PTPRT: variants seen among roughly 807,000 people sequenced by gnomAD.
PTPRT encodes the protein receptor-type tyrosine-protein phosphatase T.
A neutral mutation model predicts 176.8 loss-of-function variants in PTPRT; 56 were observed. That is an observed-to-expected ratio of 0.32 (90% CI 0.26 to 0.40). The LOEUF (loss-of-function observed/expected upper bound fraction) is 0.40. Among genes scored for constraint, PTPRT ranks in the 10% least tolerant of loss-of-function variants. The probability of loss-of-function intolerance (pLI) is 1.00; values close to 1 mark genes in which losing one functional copy is unlikely to be tolerated. For synonymous variants in PTPRT, 783 were observed against 739.0 expected, an observed-to-expected ratio of 1.06 and a Z score of -0.96; for missense variants, 1,540 against 1,908.2, an observed-to-expected ratio of 0.81 and a Z score of 3.60.
Position 42,637,517 on chromosome 20 carries a change from G to A in PTPRT, c.1153+40349C>T, listed in dbSNP as rs373644053. Among the ~76,000 whole-genome samples, 7 of 152,268 alleles carry A rather than the reference G, an allele frequency of 4.6e-5. No homozygotes were observed. The East Asian group carries it at 9.6e-4, about 21-fold the overall frequency. On this transcript the variant is annotated intron_variant, in intron 7 of 30. Coordinates refer to ENST00000373187, the MANE Select transcript of PTPRT (RefSeq NM_007050.6). The stretch of plus-strand genomic sequence containing the variant: ...GTTCCTGCAGATCTTCAAAGGGCTT[G>A]CTATCTCACTTCATTCAGTTCTTTG...
intron 7 of PTPRT, among the ~76,000 whole-genome samples, chr20:42,544,363 G>A (rs1376036787): frequency 1.3e-5 from 2 of 152,178 alleles, no homozygotes; most frequent in Admixed American, 6.5e-5. Context: ...GATGAGCCAA[G>A]CTCTGCTGGC....
At chr20:42,845,218 CG>C (rs2078348617) in intron 2 of PTPRT, among the ~76,000 whole-genome samples, 1 of 152,054 alleles carries the variant, frequency 6.6e-6, no homozygotes, top group African/African-American at 2.4e-5. Context: ...GTTTCTGTTT[CG>C]GGTGTTCTTG....
At position 42,874,272 on chromosome 20, in the gene PTPRT, G is replaced by T. The variant is rs373643856; in HGVS notation, c.214+11535C>A. Among the ~76,000 whole-genome samples the T allele has an allele frequency of 2.1e-4, 32 of 152,256 alleles. 2 individuals are homozygous for T. The South Asian group carries it at 6.4e-3, about 31-fold the overall frequency. On this transcript the variant is annotated intron_variant, in intron 2 of 30. Transcript: ENST00000373187. ...GTGTCGCTGACACACGACTGTTTTT[G>T]TGATGCTTCCTTTTCAAAGAATTTA...
intron 13 of PTPRT, among the ~76,000 whole-genome samples, chr20:42,272,434 A>G (rs2056951786): frequency 6.6e-6 from 1 of 151,904 alleles, no homozygotes; most frequent in African/African-American, 2.4e-5. Flanking sequence ...ATGCTCTCAG[A>G]TAGGCAAGAC....
intron 1 of PTPRT, among the ~76,000 whole-genome samples, chr20:42,970,531 C>T (rs1982567749): frequency 6.6e-6 from 1 of 152,156 alleles, no homozygotes; most frequent in Non-Finnish European, 1.5e-5. Context: ...CCTCTCTGTG[C>T]CTCAGTTCCC....
chr20:42,489,506 CTTT>C (rs10708331), intron 7 of PTPRT, among the ~76,000 whole-genome samples: 86 of 147,278 alleles, frequency 5.8e-4, no homozygotes, highest in African/African-American at 2.0e-3. Flanking sequence ...CCTATCCTGA[CTTT>C]TTTTTTTTTA....
rs74167758 is a variant in PTPRT at position 42,104,208 on chromosome 20, C to T, written c.3540+361G>A. Among the ~76,000 whole-genome samples the T allele has an allele frequency of 5.1e-3, 781 of 152,252 alleles. 3 individuals carry two copies. Among genetic ancestry groups the T allele is most frequent in the East Asian group, 0.016 (82 of 5,178 alleles). On this transcript the variant is annotated intron_variant, in intron 25 of 30. Coordinates refer to ENST00000373187, the MANE Select transcript of PTPRT (RefSeq NM_007050.6). Reference sequence around the variant, plus strand: ...GTAGGGCCAGGTGTGGTGGCTCCTGCCTGTAATCCCAGCAATTTGGGAGAC... The same window carrying T: ...GTAGGGCCAGGTGTGGTGGCTCCTGTCTGTAATCCCAGCAATTTGGGAGAC...
chr20:42,943,499 G>A (rs1451801907), intron 1 of PTPRT, among the ~76,000 whole-genome samples: 2 of 152,076 alleles, frequency 1.3e-5, no homozygotes. Context: ...CAGGTGCCAG[G>A]CATGAGCAGC....
chr20:42,432,095 G>T (rs1045652488), intron 9 of PTPRT, among the ~76,000 whole-genome samples: 1 of 152,168 alleles, frequency 6.6e-6, no homozygotes, highest in Non-Finnish European at 1.5e-5. Flanking sequence ...ACTCTATCTT[G>T]TTAAGAGACA....
In PTPRT at chr20:42,106,854, C is replaced by T; in HGVS notation, c.3322G>A (p.Gly1108Arg). 2 of 1,614,184 alleles carry T rather than the reference C, an allele frequency of 1.2e-6. No individual in the cohort carries two copies. Among genetic ancestry groups the T allele is most frequent in the Non-Finnish European group, 1.7e-6 (2 of 1,180,042 alleles). ...ACGCAGTTGAAGATGTCCACCACCC[C>T]TTCATTCTCGGCCATGTCAAGCATG... ...DTMLDMAENE[G>R]VVDIFNCVRE... Residue 1108 changes from glycine to arginine, a missense_variant, in exon 24 of 31, where the codon GGG becomes AGG. Gly to Arg is a moderately radical substitution (Grantham distance 125). This residue lies in a region of PTPRT where 248 missense variants were observed against 356.7 expected (regional missense o/e 0.70). Coordinates refer to ENST00000373187, the MANE Select transcript of PTPRT (RefSeq NM_007050.6).
At chr20:42,456,806 A>C (rs1465476137) in intron 8 of PTPRT, among the ~76,000 whole-genome samples, 1 of 152,090 alleles carries the variant, frequency 6.6e-6, no homozygotes, top group Non-Finnish European at 1.5e-5. Context: ...TCAAGGTTAT[A>C]GTCTTGTCAT....
intron 7 of PTPRT, among the ~76,000 whole-genome samples, chr20:42,560,022 A>G (rs1278209571): frequency 1.3e-5 from 2 of 152,188 alleles, no homozygotes; most frequent in African/African-American, 4.8e-5. Flanking sequence ...TCATTTTGAC[A>G]GCAAACATTA....
intron 1 of PTPRT, among the ~76,000 whole-genome samples, chr20:43,047,716 G>A (rs912245718): frequency 6.6e-6 from 1 of 151,030 alleles, no homozygotes; most frequent in Admixed American, 6.6e-5. Context: ...TGACACCGAT[G>A]ACAATGATGA....
At chr20:42,880,464 A>T (rs2078997704) in intron 2 of PTPRT, among the ~76,000 whole-genome samples, 1 of 152,198 alleles carries the variant, frequency 6.6e-6, no homozygotes, top group Admixed American at 6.5e-5. Flanking sequence ...TATTCAAAGG[A>T]TATAGAAGCA....
intron 12 of PTPRT, among the ~76,000 whole-genome samples, chr20:42,298,420 G>C (rs2057417910): frequency 6.6e-6 from 1 of 152,130 alleles, no homozygotes; most frequent in African/African-American, 2.4e-5. Flanking sequence ...CTTAAGGAAG[G>C]AAATTTAGTG....
At chr20:42,612,022 T>C (rs6102944) in intron 7 of PTPRT, among the ~76,000 whole-genome samples, 18,074 of 152,088 alleles carry the variant, frequency 0.12, 2,655 homozygotes, top group African/African-American at 0.35. Context: ...CATGCTGACA[T>C]GGGCCCTTGG....
At chr20:43,008,731 T>C (rs1410983555) in intron 1 of PTPRT, among the ~76,000 whole-genome samples, 1 of 152,174 alleles carries the variant, frequency 6.6e-6, no homozygotes, top group African/African-American at 2.4e-5. Context: ...AATAAATTTC[T>C]GTTGTTTATA....
intron 2 of PTPRT, among the ~76,000 whole-genome samples, chr20:42,808,862 C>T (rs1175449450): frequency 6.6e-6 from 1 of 152,138 alleles, no homozygotes; most frequent in African/African-American, 2.4e-5. Context: ...GCTCAACAAA[C>T]ATGGGCACAC....
chr20:43,089,902 T>A (rs6130294), intron 1 of PTPRT, among the ~76,000 whole-genome samples: 1 of 152,042 alleles, frequency 6.6e-6, no homozygotes, highest in African/African-American at 2.4e-5. Flanking sequence ...ATTTCCAGAG[T>A]GGGGATTATC....
Sources: allele counts gnomAD v4.1 joint callset (sites outside exome capture counted in the v4.1 genomes callset), GRCh38; gene constraint gnomAD v4.1.1; regional missense constraint gnomAD v4.1.1; transcripts MANE v1.5; gene names NCBI Gene and HGNC (gene_info 2026-07-23, HGNC 2026-07-21).